Variants in GRAMD2B observed in about 807,000 individuals in gnomAD.
GRAMD2B encodes the protein GRAM domain containing 2B.
A neutral mutation model predicts 59.2 loss-of-function variants in GRAMD2B; 41 were observed. The ratio of observed to expected loss-of-function variants is 0.69; its 90% confidence interval spans 0.54 to 0.90. The LOEUF is 0.90. GRAMD2B is among the 40% of genes least tolerant of loss of function. The pLI is 0.00. For synonymous variants in GRAMD2B, 161 were observed against 182.7 expected (o/e 0.88, Z 0.96); for missense variants, 424 against 500.5 (o/e 0.85, Z 1.46).
At chr5:126,473,468 A>T in intron 5 of GRAMD2B, 100 bp downstream of exon 5, 1 of 434,246 alleles carries the variant, frequency 2.3e-6, no homozygotes. Flanking sequence ...TATTTGTATC[A>T]TGGTTATTCT....
intron 1 of GRAMD2B, among the ~76,000 whole-genome samples, chr5:126,364,082 T>C (rs1174686667): frequency 6.6e-6 from 1 of 152,198 alleles, no homozygotes; most frequent in East Asian, 1.9e-4. Context: ...AATATAAAAT[T>C]TGCTAAATCC....
At chr5:126,423,019 T>G (rs906406033), upstream of GRAMD2B, 16 of 287,442 alleles carry the variant, frequency 5.6e-5, no homozygotes, top group Non-Finnish European at 7.3e-5. Context: ...GACCTATTGT[T>G]TAAGCAGAAG....
At chr5:126,427,543 C>T (rs1487460586) in intron 1 of GRAMD2B, among the ~76,000 whole-genome samples, 1 of 152,100 alleles carries the variant, frequency 6.6e-6, no homozygotes, top group East Asian at 1.9e-4. Context: ...CAACTCCATA[C>T]GGATGTAGGA....
At chr5:126,414,620 G>A (rs1237822153) in intron 1 of GRAMD2B, among the ~76,000 whole-genome samples, 1 of 151,998 alleles carries the variant, frequency 6.6e-6, no homozygotes, top group Non-Finnish European at 1.5e-5. Context: ...ATGCCACCAT[G>A]CTTGGCTAAT....
intron 1 of GRAMD2B, among the ~76,000 whole-genome samples, chr5:126,384,713 C>T (rs534876368): frequency 5.9e-5 from 9 of 152,180 alleles, no homozygotes; most frequent in Non-Finnish European, 1.3e-4. Flanking sequence ...CCAAGAAGTC[C>T]GCACTCTATG....
chr5:126,465,611 C>G, intron 2 of GRAMD2B, 66 bp downstream of exon 2: 1 of 1,466,020 alleles, frequency 6.8e-7, no homozygotes, highest in Non-Finnish European at 9.4e-7. Flanking sequence ...ACAGGAGGAG[C>G]AGGGGTTTTT....
At chr5:126,408,509 T>C (rs376215604) in intron 1 of GRAMD2B, among the ~76,000 whole-genome samples, 82 of 151,978 alleles carry the variant, frequency 5.4e-4, no homozygotes, top group African/African-American at 1.8e-3. Flanking sequence ...TGTTTTTTTT[T>C]TGTTTGGTTG....
At chr5:126,405,173 C>G (rs1324793881) in intron 1 of GRAMD2B, among the ~76,000 whole-genome samples, 2 of 151,834 alleles carry the variant, frequency 1.3e-5, no homozygotes, top group African/African-American at 4.8e-5. Flanking sequence ...GAGGAAGAGT[C>G]TGGGAAGAAC....
intron 1 of GRAMD2B, among the ~76,000 whole-genome samples, chr5:126,393,911 T>C (rs1337383751): frequency 1.3e-5 from 2 of 152,112 alleles, no homozygotes; most frequent in Non-Finnish European, 2.9e-5. Flanking sequence ...GGTGACTATC[T>C]GGTATGTGCT....
At chr5:126,382,902 C>T (rs1403211209) in intron 1 of GRAMD2B, among the ~76,000 whole-genome samples, 1 of 152,180 alleles carries the variant, frequency 6.6e-6, no homozygotes, top group Non-Finnish European at 1.5e-5. Context: ...ATGTAGTACT[C>T]TCCCCCTTCC....
At chr5:126,469,051 T>C (rs1769034034) in intron 2 of GRAMD2B, among the ~76,000 whole-genome samples, 1 of 152,214 alleles carries the variant, frequency 6.6e-6, no homozygotes, top group African/African-American at 2.4e-5. Flanking sequence ...ATAGCTGCAA[T>C]ATTATTTAGT....
Position 126,413,903 on chromosome 5 carries a change from T to C in GRAMD2B, c.125+42336T>C, listed in dbSNP as rs188461945. Among the ~76,000 whole-genome samples the C allele has an allele frequency of 2.8e-4, 42 of 152,202 alleles. 1 individual carries two copies. The highest frequency in any genetic ancestry group is 4.9e-4 in the Non-Finnish European group (33 of 68,008). On this transcript the variant is annotated intron_variant, in intron 1 of 8. Transcript: ENST00000506445. ...CATTTTTCCCCATAGATAAGAAAAA[T>C]TGTGGCTTAGAGAAGGCAAGTCACT...
At chr5:126,415,487 T>A (rs76402717) in intron 1 of GRAMD2B, among the ~76,000 whole-genome samples, 1,522 of 151,506 alleles carry the variant, frequency 0.01, 39 homozygotes, top group African/African-American at 0.036. Flanking sequence ...GCAAAAAAAA[T>A]GTTTTTGGGA....
Position 126,483,507 on chromosome 5 carries a change from A to G in GRAMD2B, c.780A>G (p.Gln260=), listed in dbSNP as rs763033881. ...CAGATCTGGATGGAGTGGTTCAACA[A>G]AGAAGGCAAGACATGGAAGGATATA... ...EFSDLDGVVQ[Q]RRQDMEGYSS... The change falls in exon 9 of 14, where the codon CAA becomes CAG. Residue 260 remains glutamine, a synonymous_variant. Coordinates refer to ENST00000285689, the MANE Select transcript of GRAMD2B (RefSeq NM_023927.4). 6.2e-7 allele frequency: 1 copy of G among 1,613,300 alleles called. No individual in the cohort carries two copies. Among genetic ancestry groups the G allele is most frequent in the Non-Finnish European group, 8.5e-7 (1 of 1,179,402 alleles).
At position 126,480,509 on chromosome 5, in the gene GRAMD2B, T is replaced by C. The variant is rs749864482; in HGVS notation, c.636T>C (p.Ser212=). 6.2e-7 allele frequency: 1 copy of C among 1,613,364 alleles called. No homozygotes were observed. The highest frequency in any genetic ancestry group is 1.1e-5 in the South Asian group (1 of 91,058). The change falls in exon 7 of 14, where the codon TCT becomes TCC. Residue 212 remains serine (S), a synonymous_variant. Transcript: ENST00000285689. ...SRDSTYKLLK[S]VCGHLENTSV... Reference sequence around the variant, plus strand: ...ATTCAACTTACAAACTACTAAAATCTGTGTGTGGACACTTAGAAGTGAGTA... The same window carrying C: ...ATTCAACTTACAAACTACTAAAATCCGTGTGTGGACACTTAGAAGTGAGTA...
rs913501003 is a variant in GRAMD2B at position 126,465,317 on chromosome 5, G to A, written c.84-109G>A. 1.9e-6 allele frequency: 3 copies of A among 1,566,596 alleles called. No individual in the cohort carries two copies. In the African/African-American group the frequency reaches 4.1e-5, roughly 21 times the overall value. On this transcript the variant is annotated intron_variant, in intron 1 of 13. Coordinates refer to ENST00000285689, the MANE Select transcript of GRAMD2B (RefSeq NM_023927.4). ...TGTCAAAGTTAACTAGCCTATCAGT[G>A]AGGAATGAAAATCATTCCATTCTCT...
At chr5:126,371,197 C>G (rs1301178260), upstream of GRAMD2B, 1 of 555,200 alleles carries the variant, frequency 1.8e-6, no homozygotes, top group African/African-American at 2.0e-5. Flanking sequence ...GTTGAATTTC[C>G]CAAACACATT....
At chr5:126,368,957 C>A (rs368308410), upstream of GRAMD2B, among the ~76,000 whole-genome samples, 39 of 152,304 alleles carry the variant, frequency 2.6e-4, no homozygotes, top group African/African-American at 8.9e-4. Flanking sequence ...CATCTTTCAT[C>A]ATTTTATTTC....
chr5:126,420,698 TAGACTACCATATGACCC>T (rs1759647116), upstream of GRAMD2B, among the ~76,000 whole-genome samples: 1 of 152,170 alleles, frequency 6.6e-6, no homozygotes, highest in Non-Finnish European at 1.5e-5. Flanking sequence ...AGGGTAAACA[TAGACTACCATATGACCC>T]AGCAAGTCTA....
Sources: gnomAD v4.1 joint callset for allele counts (sites outside exome capture counted in the v4.1 genomes callset) on GRCh38, gnomAD v4.1.1 for gene constraint, MANE v1.5 for transcripts, NCBI Gene and HGNC (gene_info 2026-07-23, HGNC 2026-07-21) for gene names.